Variants in MAP3K20 observed in about 807,000 individuals in gnomAD.
MAP3K20 encodes HCCS-4.
A neutral mutation model predicts 85.7 loss-of-function variants in MAP3K20; 40 were observed. The observed-to-expected ratio is 0.47, with a 90% CI of 0.36 to 0.61. The LOEUF (loss-of-function observed/expected upper bound fraction) is 0.61, where lower values mean the gene tolerates loss of function less well. Among genes scored for constraint, MAP3K20 ranks in the 20% least tolerant of loss-of-function variants. The probability of loss-of-function intolerance (pLI) is 0.00; values close to 1 mark genes in which losing one functional copy is unlikely to be tolerated. For synonymous variants in MAP3K20, 325 were observed against 327.7 expected (o/e 0.99, Z 0.09); for missense variants, 817 against 961.7 (o/e 0.85, Z 1.99).
At chr2:173,232,087 G>A in intron 12 of MAP3K20, 105 bp from the exon 13 acceptor site, 1 of 1,391,840 alleles carries the variant, frequency 7.2e-7, no homozygotes, top group South Asian at 1.2e-5. Flanking sequence ...GGTTGAGCCA[G>A]GAATTAAAGT....
intron 1 of MAP3K20, among the ~76,000 whole-genome samples, chr2:173,080,395 C>T (rs912770346): frequency 6.6e-6 from 1 of 152,176 alleles, no homozygotes; most frequent in South Asian, 2.1e-4. Flanking sequence ...GGGTAATTTA[C>T]AAGGAACAAG....
At chr2:173,222,555 C>T in intron 11 of MAP3K20, 1 of 985,566 alleles carries the variant, frequency 1.0e-6, no homozygotes, top group Non-Finnish European at 1.2e-6. Context: ...TCATGCCTCT[C>T]CTGTATTTTC....
intron 2 of MAP3K20, among the ~76,000 whole-genome samples, chr2:173,112,327 A>G (rs920371856): frequency 1.3e-5 from 2 of 152,110 alleles, no homozygotes; most frequent in African/African-American, 2.4e-5. Flanking sequence ...TAGGGTTTTC[A>G]AGGTAAACAA....
intron 11 of MAP3K20, among the ~76,000 whole-genome samples, chr2:173,220,303 A>C (rs1490569791): frequency 6.6e-6 from 1 of 152,194 alleles, no homozygotes; most frequent in Admixed American, 6.5e-5. Context: ...GGCTGTTCAA[A>C]ATAATTACGT....
In MAP3K20 at chr2:173,267,278, A is replaced by G. The variant is rs1300878776; in HGVS notation, c.*528A>G. 1 of 151,710 alleles carries G rather than the reference A, an allele frequency of 6.6e-6. No homozygotes were observed. The highest frequency in any genetic ancestry group is 6.6e-5 in the Admixed American group (1 of 15,232). 9.4% of individuals were successfully genotyped at this position (151,710 alleles called of 1,614,324 possible). A position where few individuals can be genotyped will look rare whatever the true frequency, so the allele number is the denominator to read the frequency against. ...AAAATATCATTTAGCTTGATTATCG[A>G]GTTTTTTGGTTTGAGGTTTTTTGTT... On this transcript the variant is annotated 3_prime_UTR_variant, in exon 20 of 20. Transcript: ENST00000375213.
intron 16 of MAP3K20, among the ~76,000 whole-genome samples, chr2:173,243,587 TAAG>T (rs1157155104): frequency 2.0e-5 from 3 of 152,198 alleles, no homozygotes; most frequent in Admixed American, 2.0e-4. Flanking sequence ...TTAAGGATTT[TAAG>T]AAGAGAGCAG....
intron 16 of MAP3K20, 132 bp from the exon 17 acceptor site, chr2:173,258,567 T>C: frequency 6.9e-6 from 4 of 582,028 alleles, no homozygotes; most frequent in South Asian, 2.2e-5. Context: ...TGTCCTTTTA[T>C]TGAAAAAGGA....
chr2:173,091,728 CAGAG>C (rs1194122868), intron 2 of MAP3K20, among the ~76,000 whole-genome samples: 13 of 152,320 alleles, frequency 8.5e-5, no homozygotes, highest in Non-Finnish European at 1.6e-4. Flanking sequence ...AGGTGCCAGA[CAGAG>C]AGCTGTCCTC....
At position 173,137,264 on chromosome 2, in the gene MAP3K20, A is replaced by G. The variant is rs535751178; in HGVS notation, c.160-32541A>G. ...AATTCCCCATTTACTGTCAGGATCT[A>G]GACTAGGAATCTGCCAAAACACCTG... is the stretch of plus-strand genomic sequence containing the variant. On this transcript the variant is annotated intron_variant, in intron 2 of 19. Transcript: ENST00000375213. Among the ~76,000 whole-genome samples the G allele has an allele frequency of 1.2e-4, 18 of 152,336 alleles. 1 individual carries two copies. The South Asian group carries it at 3.7e-3, about 32-fold the overall frequency.
chr2:173,166,183 A>G (rs771639014), intron 2 of MAP3K20, among the ~76,000 whole-genome samples: 48 of 152,244 alleles, frequency 3.2e-4, no homozygotes, highest in Non-Finnish European at 5.6e-4. Context: ...AGAATCATAC[A>G]GTATCTGCCC....
chr2:173,156,139 T>C (rs1309177048), intron 2 of MAP3K20, among the ~76,000 whole-genome samples: 1 of 152,238 alleles, frequency 6.6e-6, no homozygotes, highest in Non-Finnish European at 1.5e-5. Flanking sequence ...CTCGAGGATG[T>C]AAGCCAGTGC....
At chr2:173,237,460 A>G (rs1684681071) in intron 14 of MAP3K20, among the ~76,000 whole-genome samples, 1 of 152,196 alleles carries the variant, frequency 6.6e-6, no homozygotes, top group East Asian at 1.9e-4. Flanking sequence ...ATAAGTGTTC[A>G]TTACATTGTC....
chr2:173,134,426 A>AT (rs1457014949), intron 2 of MAP3K20, among the ~76,000 whole-genome samples: 1 of 4,672 alleles, frequency 2.1e-4, no homozygotes, highest in African/African-American at 6.3e-4. Flanking sequence ...ATATATATAT[A>AT]TATTTTTTTT....
intron 11 of MAP3K20, among the ~76,000 whole-genome samples, chr2:173,219,382 T>C (rs1199040876): frequency 6.6e-6 from 1 of 152,236 alleles, no homozygotes; most frequent in East Asian, 1.9e-4. Context: ...TGCATAAATA[T>C]GGATGTTTAT....
chr2:173,144,984 A>C (rs539291337), intron 2 of MAP3K20, among the ~76,000 whole-genome samples: 177 of 152,336 alleles, frequency 1.2e-3, no homozygotes, highest in Admixed American at 0.012. Flanking sequence ...TAAATGCAGA[A>C]AAGAAAAATC....
chr2:173,187,701 T>A, intron 5 of MAP3K20, 78 bp downstream of exon 5: 1 of 1,309,992 alleles, frequency 7.6e-7, no homozygotes, highest in Non-Finnish European at 1.1e-6. Flanking sequence ...GCATCATTCT[T>A]TTACATATCT....
intron 2 of MAP3K20, among the ~76,000 whole-genome samples, chr2:173,164,160 A>T (rs900175893): frequency 2.0e-5 from 3 of 152,036 alleles, no homozygotes; most frequent in Admixed American, 2.0e-4. Flanking sequence ...GGTTTTCACC[A>T]TGTTGGCCAG....
intron 7 of MAP3K20, among the ~76,000 whole-genome samples, chr2:173,195,553 T>A (rs1226335579): frequency 6.6e-6 from 1 of 152,210 alleles, no homozygotes; most frequent in African/African-American, 2.4e-5. Flanking sequence ...ATAACTGGTA[T>A]TTTTAGGCAT....
At chr2:173,252,638 G>A (rs1217541270) in intron 16 of MAP3K20, among the ~76,000 whole-genome samples, 1 of 152,180 alleles carries the variant, frequency 6.6e-6, no homozygotes, top group Non-Finnish European at 1.5e-5. Context: ...CGAAATCCTA[G>A]CAAAAGCACT....
Sources: allele counts gnomAD v4.1 joint callset (sites outside exome capture counted in the v4.1 genomes callset), GRCh38; gene constraint gnomAD v4.1.1; transcripts MANE v1.5; gene names NCBI Gene and HGNC (gene_info 2026-07-23, HGNC 2026-07-21).